Variants in PLGRKT observed in about 807,000 individuals in gnomAD.
The protein encoded by PLGRKT is plasminogen receptor (KT).
Under a neutral mutation model 18.5 loss-of-function variants are expected in PLGRKT, and 22 were observed. The ratio of observed to expected loss-of-function variants is 1.19; its 90% confidence interval spans 0.85 to 1.70. PLGRKT has a LOEUF of 1.70. Among genes scored for constraint, PLGRKT ranks in the 40% most tolerant of loss-of-function variants. The pLI is 0.00. For missense variants in PLGRKT, 235 were observed against 174.4 expected, an observed-to-expected ratio of 1.35 and a Z score of -1.96; for synonymous variants, 72 against 52.8, an observed-to-expected ratio of 1.36 and a Z score of -1.58.
intron 3 of PLGRKT, among the ~76,000 whole-genome samples, chr9:5,405,391 T>C (rs1403463281): frequency 2.6e-5 from 4 of 152,188 alleles, no homozygotes; most frequent in African/African-American, 9.7e-5. Context: ...AACAGCATGG[T>C]ACTGGTATTT....
chr9:5,380,462 T>A (rs2131092954), intron 3 of PLGRKT, among the ~76,000 whole-genome samples: 1 of 152,220 alleles, frequency 6.6e-6, no homozygotes, highest in Middle Eastern at 3.4e-3. Context: ...ATTAACTCAT[T>A]TACTCCTCAT....
At chr9:5,430,579 T>C (rs1408228606) in intron 3 of PLGRKT, among the ~76,000 whole-genome samples, 5 of 152,256 alleles carry the variant, frequency 3.3e-5, no homozygotes, top group Admixed American at 3.3e-4. Context: ...ATCTTTAATC[T>C]TTAAAACATC....
At position 5,430,640 on chromosome 9, in the gene PLGRKT, C is replaced by A. The variant is rs546456396; in HGVS notation, c.81+1257G>T. Among the ~76,000 whole-genome samples the A allele has an allele frequency of 7.2e-5, 11 of 152,286 alleles. No homozygotes were observed. The East Asian group carries it at 2.1e-3, about 29-fold the overall frequency. ...CAGTGTACAGATCAGGAGACTGAGG[C>A]ACAAGTCACACAGTTAGTCAAGGGT... On this transcript the variant is annotated intron_variant, in intron 3 of 5. Coordinates refer to ENST00000223864, the MANE Select transcript of PLGRKT (RefSeq NM_018465.4).
intron 3 of PLGRKT, among the ~76,000 whole-genome samples, chr9:5,401,374 ATTTT>A (rs1818151180): frequency 6.6e-6 from 1 of 152,000 alleles, no homozygotes; most frequent in Non-Finnish European, 1.5e-5. Flanking sequence ...GTCTAACACT[ATTTT>A]GTTTTGCATG....
At chr9:5,408,563 A>C (rs956254684) in intron 3 of PLGRKT, among the ~76,000 whole-genome samples, 5 of 152,278 alleles carry the variant, frequency 3.3e-5, no homozygotes, top group African/African-American at 1.2e-4. Flanking sequence ...TATATTTAAA[A>C]GGGAGCATAA....
chr9:5,420,206 G>A (rs918476963), intron 3 of PLGRKT, among the ~76,000 whole-genome samples: 21 of 152,338 alleles, frequency 1.4e-4, no homozygotes, highest in Admixed American at 9.2e-4. Flanking sequence ...ATGAGTGGTT[G>A]CAGAAAGCAT....
chr9:5,402,892 T>C (rs1205003033), intron 3 of PLGRKT, among the ~76,000 whole-genome samples: 3 of 151,814 alleles, frequency 2.0e-5, no homozygotes, highest in African/African-American at 7.3e-5. Context: ...AAATACTAAG[T>C]ATTGAAACAG....
At chr9:5,395,894 T>TG (rs968225341) in intron 3 of PLGRKT, among the ~76,000 whole-genome samples, 7 of 147,496 alleles carry the variant, frequency 4.7e-5, no homozygotes, top group South Asian at 4.2e-4. Context: ...AACAGTTTTT[T>TG]TTTTTTTTTT....
At position 5,418,773 on chromosome 9, in the gene PLGRKT, G is replaced by A. The variant is rs572967853; in HGVS notation, c.81+13124C>T. 37 of 749,606 alleles carry A rather than the reference G, an allele frequency of 4.9e-5. No individual in the cohort carries two copies. Among genetic ancestry groups the A allele is most frequent in the Non-Finnish European group, 7.9e-5 (34 of 428,062 alleles). 46.4% of individuals were successfully genotyped at this position (749,606 alleles called of 1,614,324 possible). A position where few individuals can be genotyped will look rare whatever the true frequency, so the allele number is the denominator to read the frequency against. ...CAGCCAGGACCTCGGGGTCGTCGAG[G>A]AGCTGCGACACGGAGAAGTCAGGGG... is the stretch of plus-strand genomic sequence containing the variant. On this transcript the variant is annotated intron_variant, in intron 3 of 5. Transcript: ENST00000223864. The surrounding 1 kb of genome is among the most constrained non-coding windows in gnomAD (Gnocchi z 4.2).
At chr9:5,425,514 C>G (rs1022127403) in intron 3 of PLGRKT, among the ~76,000 whole-genome samples, 1 of 152,130 alleles carries the variant, frequency 6.6e-6, no homozygotes, top group African/African-American at 2.4e-5. Context: ...TGAAAACTTG[C>G]TTGGTTTCTA....
intron 3 of PLGRKT, among the ~76,000 whole-genome samples, chr9:5,396,884 G>T (rs1030607573): frequency 1.3e-5 from 2 of 151,988 alleles, no homozygotes; most frequent in South Asian, 4.1e-4. Flanking sequence ...TCAAAATTAA[G>T]CACTTCATTT....
rs763236930 is a variant in PLGRKT at position 5,431,904 on chromosome 9, C to G, written c.74G>C (p.Arg25Pro). The change falls in exon 3 of 6, where the codon CGA (arginine) becomes CCA (proline). Residue 25 changes from arginine to proline, a missense_variant. Transcript: ENST00000223864. ...NQKEFMLMNA[R>P]LQLERQLIMQ... ...AATTATTTTAAAACATACCTGAAGT[C>G]GAGCATTCATAAGCATGAACTCCTT... 1 of 1,470,802 alleles carries G rather than the reference C, an allele frequency of 6.8e-7. No individual in the cohort carries two copies. Among genetic ancestry groups the G allele is most frequent in the Non-Finnish European group, 9.5e-7 (1 of 1,051,066 alleles). The allele number at this position is 1,470,802 out of a possible 1,614,324, so 91.1% of individuals were successfully genotyped here.
chr9:5,422,516 A>T (rs909931544), intron 3 of PLGRKT, among the ~76,000 whole-genome samples: 3 of 152,204 alleles, frequency 2.0e-5, no homozygotes, highest in Non-Finnish European at 2.9e-5. Flanking sequence ...CGACAAGTAG[A>T]AAGGGAGGGA....
chr9:5,408,122 A>G (rs1818290541), intron 3 of PLGRKT, among the ~76,000 whole-genome samples: 1 of 152,236 alleles, frequency 6.6e-6, no homozygotes, highest in African/African-American at 2.4e-5. Flanking sequence ...ATTTTGCTAT[A>G]AAATCATATT....
intron 5 of PLGRKT, among the ~76,000 whole-genome samples, chr9:5,360,621 C>A (rs980638146): frequency 4.6e-5 from 7 of 152,028 alleles, no homozygotes; most frequent in African/African-American, 1.4e-4. Context: ...AATGGGATGT[C>A]ACTGAAACTG....
intron 3 of PLGRKT, among the ~76,000 whole-genome samples, chr9:5,369,938 T>C (rs943342248): frequency 2.6e-5 from 4 of 151,108 alleles, no homozygotes; most frequent in Admixed American, 6.6e-5. Context: ...GGGCCTGTCA[T>C]GGGGTAGGGG....
intron 3 of PLGRKT, among the ~76,000 whole-genome samples, chr9:5,417,143 T>G (rs1175386880): frequency 6.6e-6 from 1 of 152,224 alleles, no homozygotes. Context: ...CACTCAAACT[T>G]TGAAGACCAG....
chr9:5,418,468 G>A lies in PLGRKT; in HGVS notation c.81+13429C>T. 2 of 1,069,244 alleles carry A rather than the reference G, an allele frequency of 1.9e-6. No homozygotes were observed. Among genetic ancestry groups the A allele is most frequent in the Non-Finnish European group, 2.9e-6 (2 of 689,880 alleles). The allele number at this position is 1,069,244 out of a possible 1,614,324, so 66.2% of individuals were successfully genotyped here. On this transcript the variant is annotated intron_variant, in intron 3 of 5. Coordinates refer to ENST00000223864, the MANE Select transcript of PLGRKT (RefSeq NM_018465.4). This position sits in a 1 kb window ranked among gnomAD's most constrained non-coding sequence, Gnocchi z 4.2. ...CAAGACGCAAGCCACCAAGATGACA[G>A]TGCACACCCTCAACCACATGGAGCT...
chr9:5,424,730 G>A (rs981514681), intron 3 of PLGRKT, among the ~76,000 whole-genome samples: 2 of 140,214 alleles, frequency 1.4e-5, no homozygotes, highest in Non-Finnish European at 3.0e-5. Flanking sequence ...CAGAGAGAGA[G>A]AGAGAGAAAG....
Sources: allele counts gnomAD v4.1 joint callset (sites outside exome capture counted in the v4.1 genomes callset), GRCh38; gene constraint gnomAD v4.1.1; non-coding constraint Gnocchi (gnomAD v3.1); transcripts MANE v1.5; gene names NCBI Gene and HGNC (gene_info 2026-07-23, HGNC 2026-07-21).